Variants in ZNF469 observed in about 807,000 individuals in gnomAD.
ZNF469 encodes the protein zinc finger protein 469.
Under a neutral mutation model 1.0 loss-of-function variants are expected in ZNF469, and 1 was observed. The ratio of observed to expected loss-of-function variants is 1.00; its 90% confidence interval spans 0.35 to 4.73. ZNF469 has a LOEUF of 4.73. Ranked by LOEUF, ZNF469 falls within the 30% of genes most tolerant of loss-of-function variation. The pLI is 0.16. For synonymous variants in ZNF469, 2,703 were observed against 2,363.4 expected, an observed-to-expected ratio of 1.14 and a Z score of -4.17; for missense variants, 6,100 against 5,356.3, an observed-to-expected ratio of 1.14 and a Z score of -4.33.
intron 1 of ZNF469, among the ~76,000 whole-genome samples, chr16:88,394,305 G>A (rs1286940564): frequency 1.3e-5 from 2 of 152,178 alleles, no homozygotes; most frequent in African/African-American, 4.8e-5. Context: ...GTCTACACCT[G>A]TGCTGTCCGA....
At position 88,438,748 on chromosome 16, in the gene ZNF469, G is replaced by A. The variant is rs547014159; in HGVS notation, c.11278G>A (p.Glu3760Lys). 130 of 1,549,934 alleles carry A rather than the reference G, an allele frequency of 8.4e-5. No individual in the cohort carries two copies. Among genetic ancestry groups the A allele is most frequent in the Middle Eastern group, 1.7e-4 (1 of 5,996 alleles). Residue 3760 changes from glutamate (E) to lysine (K), a missense_variant, in exon 3 of 3, where the codon GAG becomes AAG. Coordinates refer to ENST00000565624, the MANE Select transcript of ZNF469 (RefSeq NM_001367624.2). ...GCCAGCCAGCGGGCAGCTCCAGAGCGAGACAGCCACCACCCCAGCCAAGCC... is the reference window on the plus strand; with the variant it reads ...GCCAGCCAGCGGGCAGCTCCAGAGCAAGACAGCCACCACCCCAGCCAAGCC... ...PQPASGQLQS[E>K]TATTPAKPSF...
the ZNF469 span, among the ~76,000 whole-genome samples, chr16:88,159,390 C>A: frequency 6.6e-6 from 1 of 152,152 alleles, no homozygotes; most frequent in Non-Finnish European, 1.5e-5. Context: ...CTCTACCGTG[C>A]CACGGCTCAC....
chr16:88,367,900 C>A, the ZNF469 span, among the ~76,000 whole-genome samples: 1 of 152,222 alleles, frequency 6.6e-6, no homozygotes, highest in Non-Finnish European at 1.5e-5. Context: ...AACCAGTGAA[C>A]CTGGGCCAGC....
At chr16:88,321,929 G>T in the ZNF469 span, among the ~76,000 whole-genome samples, 1 of 152,364 alleles carries the variant, frequency 6.6e-6, no homozygotes, top group East Asian at 1.9e-4. Flanking sequence ...GGAACCCAGG[G>T]CTCAGTGGCC....
At chr16:88,146,151 G>A in the ZNF469 span, among the ~76,000 whole-genome samples, 9 of 152,232 alleles carry the variant, frequency 5.9e-5, no homozygotes, top group African/African-American at 2.2e-4. Flanking sequence ...CTTGGGCACA[G>A]TCCAGGCTGC....
Position 88,431,928 on chromosome 16 carries a change from C to G in ZNF469, c.4458C>G (p.Asp1486Glu), listed in dbSNP as rs1476158072. The G allele has an allele frequency of 1.3e-6, 2 of 1,549,524 alleles. No homozygotes were observed. The highest frequency in any genetic ancestry group is 1.7e-6 in the Non-Finnish European group (2 of 1,146,994). The change falls in exon 3 of 3, where the codon GAC (aspartate) becomes GAG (glutamate). Residue 1486 changes from aspartate to glutamate, a missense_variant. Physicochemically the swap from Asp to Glu is conservative, Grantham distance 45. Transcript: ENST00000565624. ...CCGGTCTGCCGTTCGCATGTGCCGA[C>G]CCTCCCCAGAAGACGGTGCCGTCAG... is the stretch of plus-strand genomic sequence containing the variant. ...RDSGLPFACA[D>E]PPQKTVPSDP...
chr16:88,177,068 G>A, the ZNF469 span, among the ~76,000 whole-genome samples: 2 of 152,188 alleles, frequency 1.3e-5, no homozygotes, highest in African/African-American at 4.8e-5. This position sits in a 1 kb window ranked among gnomAD's most constrained non-coding sequence, Gnocchi z 4.8. Flanking sequence ...GTGACTGACA[G>A]GTGATAATGT....
rs551766343 is a variant in ZNF469 at position 88,421,391 on chromosome 16, G to A, written c.-191-3416G>A. On this transcript the variant is annotated intron_variant, in intron 1 of 2. Coordinates refer to ENST00000565624, the MANE Select transcript of ZNF469 (RefSeq NM_001367624.2). ...GATCTCCCGACTTCAAAGGGGTCCG[G>A]CCTACTGAAACCCACACCGACAGGC... is the stretch of plus-strand genomic sequence containing the variant. Among the ~76,000 whole-genome samples, 5 of 152,308 alleles carry A rather than the reference G, an allele frequency of 3.3e-5. No homozygotes were observed. The East Asian group carries it at 9.6e-4, about 29-fold the overall frequency.
chr16:88,392,813 G>A (rs1238729934), intron 1 of ZNF469, among the ~76,000 whole-genome samples: 6 of 152,242 alleles, frequency 3.9e-5, no homozygotes, highest in Admixed American at 3.3e-4. Flanking sequence ...CTCCAACATC[G>A]CCCTGCCTTT....
rs1419991474 is a variant in ZNF469, at chr16:88,424,089, C to A, written c.-191-718C>A. The stretch of plus-strand genomic sequence containing the variant: ...AGCTAGGCCCACAGCGTTTGGAGCA[C>A]AGGCTGTCGCCATGTGGTGACCATT... On this transcript the variant is annotated intron_variant, in intron 1 of 2. Transcript: ENST00000565624. This position sits in a 1 kb window ranked among gnomAD's most constrained non-coding sequence, Gnocchi z 4.3. Among the ~76,000 whole-genome samples the A allele has an allele frequency of 6.6e-6, 1 of 152,272 alleles. No homozygotes were observed. Among genetic ancestry groups the A allele is most frequent in the East Asian group, 1.9e-4 (1 of 5,196 alleles).
In ZNF469 at chr16:88,433,758, G is replaced by C; in HGVS notation, c.6288G>C (p.Leu2096=). The change falls in exon 3 of 3, where the codon CTG becomes CTC. Residue 2096 remains leucine (L), a synonymous_variant. Transcript: ENST00000565624. ...RASSPGLNKP[L]LATGDSPAPS... is the part of the protein sequence containing the mutation. Reference sequence around the variant, plus strand: ...CCAGCCCCGGCCTGAACAAGCCACTGCTGGCCACAGGGGATAGCCCAGCAC... The same window carrying C: ...CCAGCCCCGGCCTGAACAAGCCACTCCTGGCCACAGGGGATAGCCCAGCAC... 3 of 1,549,370 alleles carry C rather than the reference G, an allele frequency of 1.9e-6. No individual in the cohort carries two copies. The highest frequency in any genetic ancestry group is 1.7e-6 in the Non-Finnish European group (2 of 1,146,860).
chr16:88,158,192 C>T, the ZNF469 span, among the ~76,000 whole-genome samples: 2 of 151,820 alleles, frequency 1.3e-5, no homozygotes, highest in Non-Finnish European at 2.9e-5. Flanking sequence ...GGGGCCCCAC[C>T]TTGAGAACCC....
chr16:88,221,174 G>A, the ZNF469 span, among the ~76,000 whole-genome samples: 2 of 152,232 alleles, frequency 1.3e-5, no homozygotes, highest in African/African-American at 4.8e-5. Flanking sequence ...GGATAGAGCA[G>A]GCCTCACACC....
the ZNF469 span, among the ~76,000 whole-genome samples, chr16:88,134,076 C>T: frequency 1.3e-5 from 2 of 149,178 alleles, no homozygotes; most frequent in African/African-American, 5.0e-5. Context: ...CCAGCCTGGG[C>T]AACAGAGCGA....
chr16:88,331,480 C>T, the ZNF469 span, among the ~76,000 whole-genome samples: 2 of 151,512 alleles, frequency 1.3e-5, no homozygotes, highest in Non-Finnish European at 2.9e-5. Context: ...CCATCATCAC[C>T]ATCATCATCA....
At position 88,437,058 on chromosome 16, in the gene ZNF469, G is replaced by C; in HGVS notation, c.9588G>C (p.Glu3196Asp). 1 of 1,538,396 alleles carries C rather than the reference G, an allele frequency of 6.5e-7. No individual in the cohort carries two copies. Among genetic ancestry groups the C allele is most frequent in the Non-Finnish European group, 8.7e-7 (1 of 1,143,768 alleles). Residue 3196 changes from glutamate (E) to aspartate (D), a missense_variant, in exon 3 of 3, where the codon GAG (glutamate) becomes GAC (aspartate). Glu to Asp is a conservative substitution (Grantham distance 45). Transcript: ENST00000565624. The part of the protein sequence containing the change: ...DVWMYNEHLR[E>D]HAVRFARRGQ... The stretch of plus-strand genomic sequence containing the variant: ...GGATGTACAACGAGCACCTGCGTGA[G>C]CACGCGGTCCGCTTCGCCCGCAGGG...
chr16:88,160,680 C>T, the ZNF469 span, among the ~76,000 whole-genome samples: 2 of 152,208 alleles, frequency 1.3e-5, no homozygotes, highest in East Asian at 1.9e-4. Flanking sequence ...CTGTGCCTCC[C>T]GCTGTTGTTA....
chr16:88,253,784 C>T, the ZNF469 span, among the ~76,000 whole-genome samples: 1 of 152,188 alleles, frequency 6.6e-6, no homozygotes, highest in Non-Finnish European at 1.5e-5. Context: ...AGCAATCCTC[C>T]CACCTCGGCC....
chr16:88,261,315 C>A, the ZNF469 span, among the ~76,000 whole-genome samples: 2 of 152,220 alleles, frequency 1.3e-5, no homozygotes, highest in Non-Finnish European at 2.9e-5. This position sits in a 1 kb window ranked among gnomAD's most constrained non-coding sequence, Gnocchi z 6.0. Context: ...ACGGCACCAC[C>A]TGCCCCTCCC....
Sources: gnomAD v4.1 joint callset for allele counts (sites outside exome capture counted in the v4.1 genomes callset) on GRCh38, gnomAD v4.1.1 for gene constraint, Gnocchi (gnomAD v3.1) non-coding constraint, MANE v1.5 for transcripts, NCBI Gene and HGNC (gene_info 2026-07-23, HGNC 2026-07-21) for gene names.